The following DPYD variants were observed in gnomAD, a reference collection of about 807,000 sequenced individuals.
DPYD encodes dihydropyrimidine dehydrogenase, also known as dihydropyrimidine dehydrogenase [NADP(+)].
DPYD carries 109 observed loss-of-function variants against 116.2 expected under a neutral mutation model. That is an observed-to-expected ratio of 0.94 (90% confidence interval 0.80 to 1.10). The LOEUF (loss-of-function observed/expected upper bound fraction) is 1.10. Ranked by LOEUF, DPYD falls within the 50% of genes least tolerant of loss-of-function variation. The probability of loss-of-function intolerance (pLI) is 0.00; values close to 1 mark genes in which losing one functional copy is unlikely to be tolerated. For missense variants in DPYD, 1,302 were observed against 1,254.5 expected (o/e 1.04, Z -0.57); for synonymous variants, 440 against 432.0 (o/e 1.02, Z -0.23).
At chr1:97,122,761 C>T (rs767951276) in intron 20 of DPYD, among the ~76,000 whole-genome samples, 66 of 152,234 alleles carry the variant, frequency 4.3e-4, no homozygotes, top group Middle Eastern at 6.8e-3. Context: ...ATCACTTACT[C>T]TATCCCTTCA....
intron 18 of DPYD, among the ~76,000 whole-genome samples, chr1:97,241,402 C>T (rs1662331491): frequency 6.6e-6 from 1 of 151,952 alleles, no homozygotes; most frequent in Non-Finnish European, 1.5e-5. Context: ...AAGCTAGGTG[C>T]TGTCCTCTCT....
chr1:97,827,476 C>G (rs1006228428), intron 3 of DPYD, among the ~76,000 whole-genome samples: 7 of 151,672 alleles, frequency 4.6e-5, no homozygotes, highest in Non-Finnish European at 1.0e-4. Context: ...TGATTCTGAT[C>G]AAATAGATTT....
chr1:97,203,793 C>CAAAAAAAAAAAAAAAAAAAAAAAAAAAA (rs56819543), intron 19 of DPYD, among the ~76,000 whole-genome samples: 3 of 65,692 alleles, frequency 4.6e-5, no homozygotes, highest in African/African-American at 1.2e-4. Flanking sequence ...ATTCACATTC[C>CAAAAAAAAAAAAAAAAAAAAAAAAAAAA]AAAAAAAAAA....
At chr1:97,345,236 A>C (rs770423705) in intron 16 of DPYD, among the ~76,000 whole-genome samples, 4 of 151,886 alleles carry the variant, frequency 2.6e-5, no homozygotes, top group Non-Finnish European at 4.4e-5. Flanking sequence ...GTGCATTATC[A>C]TTTTAAAAAA....
chr1:97,617,467 A>G (rs1656361067), intron 8 of DPYD, among the ~76,000 whole-genome samples: 1 of 152,206 alleles, frequency 6.6e-6, no homozygotes, highest in Non-Finnish European at 1.5e-5. Context: ...AAATAAAATT[A>G]TATTTACATT....
intron 8 of DPYD, among the ~76,000 whole-genome samples, chr1:97,619,083 T>C (rs1656475893): frequency 6.6e-6 from 1 of 152,198 alleles, no homozygotes; most frequent in South Asian, 2.1e-4. Context: ...CACAACCAGG[T>C]TGTTATAAGG....
chr1:97,291,191 G>A lies in DPYD; in HGVS notation c.2299+14068C>T, dbSNP rs560674967. ...TCATTAAAAAGTCAGGAAACAACAG[G>A]TGCTGGAGAGGATGTGGAGAAATAA... On this transcript the variant is annotated intron_variant, in intron 18 of 22. Coordinates refer to ENST00000370192, the MANE Select transcript of DPYD (RefSeq NM_000110.4). Among the ~76,000 whole-genome samples the A allele has an allele frequency of 8.5e-4, 129 of 152,034 alleles. 3 individuals carry two copies. In the Middle Eastern group the frequency reaches 0.017, roughly 20 times the overall value.
At chr1:97,154,536 T>C (rs1655288809) in intron 20 of DPYD, among the ~76,000 whole-genome samples, 2 of 147,670 alleles carry the variant, frequency 1.4e-5, no homozygotes, top group Non-Finnish European at 3.0e-5. Context: ...GTGGGTACAT[T>C]ACTGGAGGCC....
At chr1:97,496,967 T>C (rs1338423570) in intron 13 of DPYD, among the ~76,000 whole-genome samples, 2 of 151,996 alleles carry the variant, frequency 1.3e-5, no homozygotes, top group African/African-American at 4.8e-5. Flanking sequence ...GCCATCCAAA[T>C]GAATTTGAAC....
intron 14 of DPYD, among the ~76,000 whole-genome samples, chr1:97,429,456 T>C (rs1217477782): frequency 6.6e-6 from 1 of 152,130 alleles, no homozygotes; most frequent in Non-Finnish European, 1.5e-5. Context: ...TTTCTCTTTA[T>C]TCTTTTTTTG....
intron 20 of DPYD, among the ~76,000 whole-genome samples, chr1:97,118,443 A>G (rs1326202599): frequency 2.0e-5 from 3 of 152,170 alleles, no homozygotes; most frequent in African/African-American, 4.8e-5. Context: ...AAAGCCATTT[A>G]AAAACACACA....
At chr1:97,159,011 T>C (rs1189825174) in intron 20 of DPYD, among the ~76,000 whole-genome samples, 1 of 152,052 alleles carries the variant, frequency 6.6e-6, no homozygotes, top group African/African-American at 2.4e-5. Context: ...TAATGTATCA[T>C]TTACACAGTC....
At chr1:97,296,979 A>G (rs1332280913) in intron 18 of DPYD, among the ~76,000 whole-genome samples, 2 of 152,148 alleles carry the variant, frequency 1.3e-5, no homozygotes, top group Non-Finnish European at 2.9e-5. Context: ...TTTGCAAAAC[A>G]TGGGGGATTA....
At chr1:97,150,440 C>A (rs942959305) in intron 20 of DPYD, among the ~76,000 whole-genome samples, 2 of 152,052 alleles carry the variant, frequency 1.3e-5, no homozygotes, top group Admixed American at 6.6e-5. Context: ...TGAATGAAAG[C>A]ACCATTCAAA....
At chr1:97,216,111 C>G (rs939514603) in intron 19 of DPYD, among the ~76,000 whole-genome samples, 3 of 152,068 alleles carry the variant, frequency 2.0e-5, no homozygotes, top group African/African-American at 7.2e-5. Context: ...GGAATTTTCT[C>G]TAATTGTCTC....
chr1:97,206,958 A>G (rs1570670158), intron 19 of DPYD, among the ~76,000 whole-genome samples: 1 of 151,922 alleles, frequency 6.6e-6, no homozygotes, highest in East Asian at 1.9e-4. Context: ...ATAATTATCT[A>G]CTTCAGTGCC....
intron 13 of DPYD, among the ~76,000 whole-genome samples, chr1:97,471,676 C>A (rs1305085614): frequency 6.6e-6 from 1 of 151,740 alleles, no homozygotes; most frequent in Non-Finnish European, 1.5e-5. Context: ...GTAACCTCAG[C>A]CTGCCGGGTC....
intron 19 of DPYD, among the ~76,000 whole-genome samples, chr1:97,204,979 T>TA (rs999011779): frequency 4.6e-5 from 7 of 151,728 alleles, no homozygotes; most frequent in South Asian, 2.1e-4. Context: ...CCTCCAACTT[T>TA]AAAAAAAATA....
At chr1:97,829,420 T>A (rs904558577) in intron 2 of DPYD, among the ~76,000 whole-genome samples, 12 of 152,042 alleles carry the variant, frequency 7.9e-5, no homozygotes, top group African/African-American at 2.9e-4. Context: ...CCAAAATGAA[T>A]CTACAATAAT....
Sources: allele counts gnomAD v4.1 joint callset (sites outside exome capture counted in the v4.1 genomes callset), GRCh38; gene constraint gnomAD v4.1.1; transcripts MANE v1.5; gene names NCBI Gene and HGNC (gene_info 2026-07-23, HGNC 2026-07-21).